Variants in GRIP1 observed in about 807,000 individuals in gnomAD.
GRIP1 encodes the protein glutamate receptor interacting protein 1.
A neutral mutation model predicts 129.9 loss-of-function variants in GRIP1; 45 were observed. The observed-to-expected ratio is 0.35, with a 90% CI of 0.27 to 0.44. GRIP1 has a LOEUF of 0.44. Ranked by LOEUF, GRIP1 falls within the 20% of genes least tolerant of loss-of-function variation. The pLI is 1.00. For missense variants in GRIP1, 1,196 were observed against 1,396.8 expected, an observed-to-expected ratio of 0.86 and a Z score of 2.29; for synonymous variants, 530 against 520.8, an observed-to-expected ratio of 1.02 and a Z score of -0.24.
intron 5 of GRIP1, among the ~76,000 whole-genome samples, chr12:66,527,442 TG>T (rs2061288142): frequency 6.6e-6 from 1 of 151,340 alleles, no homozygotes; most frequent in Non-Finnish European, 1.5e-5. Flanking sequence ...AACCAAACAC[TG>T]CATGTTCTCA....
chr12:66,395,615 C>G (rs1044743064), intron 16 of GRIP1, among the ~76,000 whole-genome samples: 12 of 152,160 alleles, frequency 7.9e-5, no homozygotes, highest in African/African-American at 2.9e-4. Context: ...TCACTTCTGG[C>G]CATAGATTGG....
At chr12:67,066,909 T>TAC (rs1020362501) in intron 1 of GRIP1, among the ~76,000 whole-genome samples, 66 of 142,054 alleles carry the variant, frequency 4.6e-4, no homozygotes, top group African/African-American at 1.6e-3. Context: ...TATATATATA[T>TAC]ATACACACAC....
intron 1 of GRIP1, among the ~76,000 whole-genome samples, chr12:66,992,153 CAA>C (rs1262861903): frequency 6.6e-6 from 1 of 151,854 alleles, no homozygotes; most frequent in South Asian, 2.1e-4. Context: ...GAAACAATTG[CAA>C]AAAATTAAAG....
intron 1 of GRIP1, among the ~76,000 whole-genome samples, chr12:66,784,607 C>T (rs1161567793): frequency 6.6e-6 from 1 of 152,080 alleles, no homozygotes; most frequent in East Asian, 1.9e-4. Flanking sequence ...TATTTGCTAT[C>T]CTAATTTTTA....
chr12:67,054,345 C>T (rs1051614434), intron 1 of GRIP1, among the ~76,000 whole-genome samples: 14 of 152,220 alleles, frequency 9.2e-5, no homozygotes, highest in South Asian at 6.2e-4. Context: ...ACAACAGTAA[C>T]GAAACAGATA....
At chr12:66,557,237 C>T (rs2062367654) in intron 2 of GRIP1, among the ~76,000 whole-genome samples, 1 of 152,008 alleles carries the variant, frequency 6.6e-6, no homozygotes, top group African/African-American at 2.4e-5. Flanking sequence ...AAAGAGGGCT[C>T]ATTATATAAT....
At chr12:66,455,251 G>A (rs1039295946) in intron 11 of GRIP1, among the ~76,000 whole-genome samples, 158 bp downstream of exon 11, 4 of 152,176 alleles carry the variant, frequency 2.6e-5, no homozygotes, top group Admixed American at 6.5e-5. Flanking sequence ...ACTGGGTATC[G>A]TGTCAACGGT....
At chr12:66,505,747 C>T (rs1031883794) in intron 7 of GRIP1, among the ~76,000 whole-genome samples, 9 of 152,014 alleles carry the variant, frequency 5.9e-5, no homozygotes, top group African/African-American at 2.2e-4. Flanking sequence ...CTTATATGTA[C>T]CAATTTTGGC....
chr12:66,793,850 A>C (rs1485636896), intron 1 of GRIP1, among the ~76,000 whole-genome samples: 5 of 152,184 alleles, frequency 3.3e-5, no homozygotes, highest in Admixed American at 1.3e-4. Context: ...GAGAAAATTA[A>C]GCTCATTTGG....
chr12:67,032,675 A>T (rs2043040293), intron 1 of GRIP1, among the ~76,000 whole-genome samples: 1 of 152,130 alleles, frequency 6.6e-6, no homozygotes, highest in African/African-American at 2.4e-5. Flanking sequence ...CTCAGTTGCG[A>T]CAACCAAAAA....
chr12:66,483,882 C>G (rs1382446912), intron 7 of GRIP1, among the ~76,000 whole-genome samples: 4 of 150,114 alleles, frequency 2.7e-5, no homozygotes, highest in African/African-American at 9.8e-5. Context: ...TTTTTTGAGA[C>G]GGAGTCTCGC....
chr12:66,491,479 G>A (rs920149851), intron 7 of GRIP1, among the ~76,000 whole-genome samples: 6 of 152,116 alleles, frequency 3.9e-5, no homozygotes, highest in African/African-American at 1.4e-4. Flanking sequence ...GGGGCTTGGG[G>A]GAAAGGGAGA....
intron 1 of GRIP1, among the ~76,000 whole-genome samples, chr12:66,963,604 A>C (rs1230252795): frequency 6.6e-6 from 1 of 152,204 alleles, no homozygotes; most frequent in Non-Finnish European, 1.5e-5. Flanking sequence ...AAGGAATTCA[A>C]GAGTTTTTTG....
At position 66,789,379 on chromosome 12, in the gene GRIP1, T is replaced by C. The variant is rs534274206; in HGVS notation, c.-420+14674A>G. ...TAGTTGTGTGACACTGGATAAGCCATTTAAATTTTCAGTGCTTTTGTTTTC... is the reference window on the plus strand; with the variant it reads ...TAGTTGTGTGACACTGGATAAGCCACTTAAATTTTCAGTGCTTTTGTTTTC... On this transcript the variant is annotated intron_variant, in intron 1 of 4. Transcript: ENST00000538373. Among the ~76,000 whole-genome samples, 5 of 152,318 alleles carry C rather than the reference T, an allele frequency of 3.3e-5. No homozygotes were observed. In the South Asian group the frequency reaches 1.0e-3, roughly 32 times the overall value.
intron 1 of GRIP1, among the ~76,000 whole-genome samples, chr12:67,015,143 C>G (rs568955636): frequency 9.2e-5 from 14 of 152,202 alleles, no homozygotes; most frequent in Middle Eastern, 3.4e-3. Context: ...GGAAGACGTG[C>G]ACATACACAT....
chr12:66,480,097 G>C (rs1013637162), intron 7 of GRIP1, among the ~76,000 whole-genome samples: 4 of 152,054 alleles, frequency 2.6e-5, no homozygotes, highest in Non-Finnish European at 5.9e-5. Flanking sequence ...AGAAATAACG[G>C]GTATTCAAGT....
At chr12:66,414,169 T>C (rs1461029275) in intron 15 of GRIP1, among the ~76,000 whole-genome samples, 2 of 152,068 alleles carry the variant, frequency 1.3e-5, no homozygotes, top group Non-Finnish European at 2.9e-5. Flanking sequence ...TCTTTGCAGA[T>C]GACATGATCC....
intron 1 of GRIP1, among the ~76,000 whole-genome samples, chr12:67,063,107 A>C (rs774280796): frequency 3.9e-5 from 6 of 152,202 alleles, no homozygotes; most frequent in Non-Finnish European, 7.3e-5. Context: ...TCCTCATCTT[A>C]AAGTAGAGAA....
chr12:66,348,271 CTAAT>C lies in GRIP1; in HGVS notation c.*744_*747del, dbSNP rs1254268322. 3.3e-5 allele frequency: 5 copies of C among 151,840 alleles called. No homozygotes were observed. The highest frequency in any genetic ancestry group is 7.4e-5 in the Non-Finnish European group (5 of 68,008). The allele number at this position is 151,840 out of a possible 1,614,324, so 9.4% of individuals were successfully genotyped here. ...GAATTTTAAAAATAAGATAATATAA[CTAAT>C]TCTCATGTTTACTACACACTCTAAT... On this transcript the variant is annotated 3_prime_UTR_variant, in exon 25 of 25. Transcript: ENST00000359742.
Sources: gnomAD v4.1 joint callset for allele counts (sites outside exome capture counted in the v4.1 genomes callset) on GRCh38, gnomAD v4.1.1 for gene constraint, MANE v1.5 for transcripts, NCBI Gene and HGNC (gene_info 2026-07-23, HGNC 2026-07-21) for gene names.